CPXM2: variants seen among roughly 807,000 people sequenced by gnomAD.
CPXM2 encodes inactive carboxypeptidase-like protein X2.
Under a neutral mutation model 86.1 loss-of-function variants are expected in CPXM2, and 66 were observed. The observed-to-expected ratio is 0.77, with a 90% CI of 0.63 to 0.94. CPXM2 has a LOEUF of 0.94. Ranked by LOEUF, CPXM2 falls within the 40% of genes least tolerant of loss-of-function variation. The pLI is 0.00. For missense variants in CPXM2, 948 were observed against 1,026.3 expected (o/e 0.92, Z 1.04); for synonymous variants, 388 against 400.2 (o/e 0.97, Z 0.36).
intron 4 of CPXM2, among the ~76,000 whole-genome samples, chr10:123,833,985 C>T (rs1370260281): frequency 6.6e-6 from 1 of 152,172 alleles, no homozygotes; most frequent in Non-Finnish European, 1.5e-5. Flanking sequence ...ATTTAATCCC[C>T]ACAACAACCC....
chr10:123,786,127 A>G (rs755421778), intron 6 of CPXM2, among the ~76,000 whole-genome samples: 1 of 152,186 alleles, frequency 6.6e-6, no homozygotes, highest in Non-Finnish European at 1.5e-5. Context: ...CCACTGATTT[A>G]TGCAGATGTA....
intron 3 of CPXM2, among the ~76,000 whole-genome samples, chr10:123,845,066 CA>C (rs61013140): frequency 0.055 from 4,934 of 90,012 alleles, 104 homozygotes; most frequent in African/African-American, 0.11. Context: ...GACTCAGTCT[CA>C]AAAAAAAAAA....
At chr10:123,805,561 T>C (rs1425493243) in intron 4 of CPXM2, among the ~76,000 whole-genome samples, 2 of 152,184 alleles carry the variant, frequency 1.3e-5, no homozygotes, top group Admixed American at 1.3e-4. Flanking sequence ...ACAGAGAACA[T>C]ACTTTAAATC....
intron 2 of CPXM2, among the ~76,000 whole-genome samples, chr10:123,926,362 G>A (rs1440624576): frequency 6.6e-6 from 1 of 152,192 alleles, no homozygotes; most frequent in Non-Finnish European, 1.5e-5. Context: ...CTCCTCCTGG[G>A]TTCCCCCAGT....
intron 7 of CPXM2, among the ~76,000 whole-genome samples, chr10:123,774,864 G>A (rs1255501968): frequency 6.6e-6 from 1 of 152,186 alleles, no homozygotes. Flanking sequence ...AGGACAGCAG[G>A]GGGCCACATA....
chr10:123,819,985 G>A (rs1015665317), intron 4 of CPXM2, among the ~76,000 whole-genome samples: 2 of 152,084 alleles, frequency 1.3e-5, no homozygotes, highest in Non-Finnish European at 2.9e-5. Flanking sequence ...TATAAAGCAG[G>A]CAGAAAAACA....
At chr10:123,847,459 GA>G (rs1476224634) in intron 3 of CPXM2, among the ~76,000 whole-genome samples, 1 of 152,096 alleles carries the variant, frequency 6.6e-6, no homozygotes, top group African/African-American at 2.4e-5. Context: ...CTGAGAGGCG[GA>G]GGTTGCAGTG....
Position 123,767,162 on chromosome 10 carries a change from A to C in CPXM2, c.1300-10T>G, listed in dbSNP as rs776811137. The C allele has an allele frequency of 1.9e-6, 3 of 1,613,386 alleles. No individual in the cohort carries two copies. Among genetic ancestry groups the C allele is most frequent in the Non-Finnish European group, 2.5e-6 (3 of 1,179,558 alleles). On this transcript the variant is annotated splice_polypyrimidine_tract_variant and intron_variant, in intron 9 of 13. Coordinates refer to ENST00000241305, the MANE Select transcript of CPXM2 (RefSeq NM_198148.3). ...CTCCCAGCTCCGAGCCCTGGAGACA[A>C]GTGAGAGTGTGAAGAATGCACAGGC...
rs1297454691 is a variant in CPXM2, at chr10:123,929,158, A to G, written n.174+10319T>C. Among the ~76,000 whole-genome samples the G allele has an allele frequency of 2.0e-5, 3 of 152,246 alleles. No individual in the cohort carries two copies. The East Asian group carries it at 5.8e-4, about 29-fold the overall frequency. Reference sequence around the variant, plus strand: ...TCAGAGGTGACAGGATGGGGCAGGCAGTGCCAGGACAGATGATGGCTCAGC... The same window carrying G: ...TCAGAGGTGACAGGATGGGGCAGGCGGTGCCAGGACAGATGATGGCTCAGC... On this transcript the variant is annotated intron_variant and non_coding_transcript_variant, in intron 2 of 19. Coordinates refer to the CPXM2 transcript ENST00000368854.
chr10:123,808,342 T>C (rs552074995), intron 4 of CPXM2, among the ~76,000 whole-genome samples: 127 of 150,248 alleles, frequency 8.5e-4, no homozygotes, highest in African/African-American at 3.1e-3. Context: ...AAAGAAACTC[T>C]CCAATTGGGC....
chr10:123,896,501 C>A (rs574784257), upstream of CPXM2, among the ~76,000 whole-genome samples: 1 of 152,184 alleles, frequency 6.6e-6, no homozygotes, highest in African/African-American at 2.4e-5. Flanking sequence ...TTACCCATTT[C>A]ATATTTAATT....
upstream of CPXM2, among the ~76,000 whole-genome samples, chr10:123,894,362 G>T (rs2134254610): frequency 6.6e-6 from 1 of 152,270 alleles, no homozygotes; most frequent in South Asian, 2.1e-4. Context: ...ACTTATTACT[G>T]CTCTCCCTAT....
intron 4 of CPXM2, among the ~76,000 whole-genome samples, chr10:123,823,420 T>C (rs940408993): frequency 1.3e-5 from 2 of 152,186 alleles, no homozygotes; most frequent in African/African-American, 4.8e-5. Flanking sequence ...TCAGAAAGCT[T>C]TGGAATTAAC....
At chr10:123,876,004 A>G (rs779207165) in intron 2 of CPXM2, among the ~76,000 whole-genome samples, 2 of 151,536 alleles carry the variant, frequency 1.3e-5, no homozygotes, top group African/African-American at 4.8e-5. Context: ...TTTAGTAGAG[A>G]CAAGGTTTCA....
intron 2 of CPXM2, among the ~76,000 whole-genome samples, chr10:123,897,315 C>A (rs1455443545): frequency 2.6e-5 from 4 of 152,164 alleles, no homozygotes; most frequent in Non-Finnish European, 5.9e-5. Flanking sequence ...GGGTCTCTGA[C>A]TGATATCATC....
At chr10:123,778,353 G>A (rs1403829252) in intron 7 of CPXM2, among the ~76,000 whole-genome samples, 1 of 152,190 alleles carries the variant, frequency 6.6e-6, no homozygotes, top group African/African-American at 2.4e-5. Flanking sequence ...CCAGGAGCCA[G>A]GAATCCAAAT....
intron 10 of CPXM2, among the ~76,000 whole-genome samples, chr10:123,766,200 T>C (rs1243808980): frequency 1.3e-5 from 2 of 151,076 alleles, no homozygotes; most frequent in Non-Finnish European, 2.9e-5. Context: ...CATGCTGACA[T>C]GGCAGAGACA....
chr10:123,838,205 C>A (rs1848316000), intron 4 of CPXM2, among the ~76,000 whole-genome samples: 1 of 152,324 alleles, frequency 6.6e-6, no homozygotes, highest in South Asian at 2.1e-4. Flanking sequence ...CTCATGCCTG[C>A]AATCCCAGCA....
At chr10:123,898,530 T>C (rs1945356432) in intron 2 of CPXM2, among the ~76,000 whole-genome samples, 1 of 152,100 alleles carries the variant, frequency 6.6e-6, no homozygotes, top group South Asian at 2.1e-4. Context: ...CTTAGCTACT[T>C]GGGAGGCTGA....
Sources: allele counts gnomAD v4.1 joint callset (sites outside exome capture counted in the v4.1 genomes callset), GRCh38; gene constraint gnomAD v4.1.1; transcripts MANE v1.5; gene names NCBI Gene and HGNC (gene_info 2026-07-23, HGNC 2026-07-21).